The following GRIA2 variants were observed in gnomAD, a reference collection of about 807,000 sequenced individuals.
GRIA2 encodes glutamate receptor 2.
A neutral mutation model predicts 97.3 loss-of-function variants in GRIA2; 14 were observed. The observed-to-expected ratio is 0.14, with a 90% CI of 0.10 to 0.23. The LOEUF (loss-of-function observed/expected upper bound fraction) is 0.23, where lower values mean the gene tolerates loss of function less well. Ranked by LOEUF, GRIA2 falls within the 10% of genes least tolerant of loss-of-function variation. The pLI, the probability that GRIA2 is intolerant of heterozygous loss-of-function variation, is 1.00. For missense variants in GRIA2, 558 were observed against 1,069.8 expected, an observed-to-expected ratio of 0.52 and a Z score of 6.67; for synonymous variants, 412 against 387.8, an observed-to-expected ratio of 1.06 and a Z score of -0.73.
intron 3 of GRIA2, among the ~76,000 whole-genome samples, chr4:157,309,999 T>C (rs959472346): frequency 6.6e-6 from 1 of 152,038 alleles, no homozygotes; most frequent in Admixed American, 6.5e-5. Context: ...TGTAGGAAAG[T>C]AGAACCCAGC....
intron 12 of GRIA2, among the ~76,000 whole-genome samples, chr4:157,345,440 G>C (rs1201971928): frequency 6.6e-6 from 1 of 152,058 alleles, no homozygotes; most frequent in Admixed American, 6.6e-5. Context: ...TAGTGCCACT[G>C]TAGCATACCT....
intron 6 of GRIA2, among the ~76,000 whole-genome samples, chr4:157,329,383 G>A (rs903554709): frequency 2.6e-5 from 4 of 151,794 alleles, no homozygotes; most frequent in Non-Finnish European, 4.4e-5. Context: ...AAATGAGTAC[G>A]TAAAATGTAC....
intron 2 of GRIA2, among the ~76,000 whole-genome samples, chr4:157,257,970 T>G (rs1731352549): frequency 6.6e-6 from 1 of 152,158 alleles, no homozygotes; most frequent in Non-Finnish European, 1.5e-5. Context: ...ATGAAAATTG[T>G]GAAGATTTCA....
At chr4:157,300,391 A>G (rs1733562618) in intron 2 of GRIA2, among the ~76,000 whole-genome samples, 7 of 152,080 alleles carry the variant, frequency 4.6e-5, no homozygotes, top group Admixed American at 4.6e-4. Flanking sequence ...GGTTACCACA[A>G]ACGGGGCAAG....
chr4:157,257,894 C>A (rs902660257), intron 2 of GRIA2, among the ~76,000 whole-genome samples: 1 of 152,058 alleles, frequency 6.6e-6, no homozygotes, highest in African/African-American at 2.4e-5. Flanking sequence ...ATTTCATGGA[C>A]ATTTATTAAT....
chr4:157,287,394 G>A (rs1053836593), intron 2 of GRIA2, among the ~76,000 whole-genome samples: 2 of 151,566 alleles, frequency 1.3e-5, no homozygotes, highest in African/African-American at 4.8e-5. Flanking sequence ...ATTATTTTGT[G>A]TGTGGGAGTG....
chr4:157,279,100 C>T (rs1469084748), intron 2 of GRIA2, among the ~76,000 whole-genome samples: 2 of 151,960 alleles, frequency 1.3e-5, no homozygotes, highest in Non-Finnish European at 2.9e-5. Flanking sequence ...CAATCATGCT[C>T]CTTGGTATTT....
intron 8 of GRIA2, 73 bp downstream of exon 8, chr4:157,333,426 A>G (rs1016396138): frequency 1.5e-6 from 1 of 679,656 alleles, no homozygotes; most frequent in African/African-American, 1.8e-5. Flanking sequence ...TCACCCTTCC[A>G]GAGAATTCTG....
chr4:157,286,710 GA>G (rs1311597859), intron 2 of GRIA2, among the ~76,000 whole-genome samples: 2 of 151,398 alleles, frequency 1.3e-5, no homozygotes, highest in Non-Finnish European at 3.0e-5. Context: ...TGGTATTTTA[GA>G]AGGCATTTTT....
intron 2 of GRIA2, among the ~76,000 whole-genome samples, chr4:157,293,244 T>C (rs760546547): frequency 6.6e-6 from 1 of 152,180 alleles, no homozygotes; most frequent in Non-Finnish European, 1.5e-5. Flanking sequence ...CCAAGATGTA[T>C]GTATTCACAT....
In GRIA2 at chr4:157,363,611, C is replaced by A. The variant is rs560668503; in HGVS notation, c.*180C>A. 34 of 1,223,804 alleles carry A rather than the reference C, an allele frequency of 2.8e-5. No individual in the cohort carries two copies. Among genetic ancestry groups the A allele is most frequent in the South Asian group, 2.1e-4 (5 of 24,188 alleles). The allele number at this position is 1,223,804 out of a possible 1,614,324, so 75.8% of individuals were successfully genotyped here. On this transcript the variant is annotated 3_prime_UTR_variant, in exon 16 of 16. Coordinates refer to ENST00000264426, the MANE Select transcript of GRIA2 (RefSeq NM_001083619.3). The stretch of plus-strand genomic sequence containing the variant: ...CTGATCTCTCGTGATTGATAAGAAC[C>A]TTTTGAGTGCCTTACACAATGGTTT...
At chr4:157,323,158 A>G (rs1260243394) in intron 6 of GRIA2, among the ~76,000 whole-genome samples, 4 of 151,462 alleles carry the variant, frequency 2.6e-5, no homozygotes. Flanking sequence ...ACACGGTGAA[A>G]CCCCGTCTCT....
At position 157,361,176 on chromosome 4, in the gene GRIA2, C is replaced by A; in HGVS notation, c.2406+52C>A. On this transcript the variant is annotated intron_variant, in intron 14 of 15. Coordinates refer to ENST00000264426, the MANE Select transcript of GRIA2 (RefSeq NM_001083619.3). The surrounding 1 kb of genome is among the most constrained non-coding windows in gnomAD (Gnocchi z 5.2). Reference sequence around the variant, plus strand: ...GTAACTCAATGCAAAACAAAGTAAGCAGCAGCTATGCACAGTGTGGGCACT... The same window carrying A: ...GTAACTCAATGCAAAACAAAGTAAGAAGCAGCTATGCACAGTGTGGGCACT... 7.3e-7 allele frequency: 1 copy of A among 1,377,608 alleles called. No homozygotes were observed. Among genetic ancestry groups the A allele is most frequent in the Non-Finnish European group, 1.0e-6 (1 of 966,770 alleles). The allele number at this position is 1,377,608 out of a possible 1,614,324, so 85.3% of individuals were successfully genotyped here. A position where few individuals can be genotyped will look rare whatever the true frequency, so the allele number is the denominator to read the frequency against.
At chr4:157,362,230 T>G (rs145450596) in intron 14 of GRIA2, among the ~76,000 whole-genome samples, 2 of 152,226 alleles carry the variant, frequency 1.3e-5, no homozygotes, top group East Asian at 3.9e-4. Context: ...AGAGTGAGAA[T>G]GTACTGGAAC....
intron 4 of GRIA2, among the ~76,000 whole-genome samples, chr4:157,314,718 A>G (rs973849261): frequency 6.6e-6 from 1 of 152,224 alleles, no homozygotes; most frequent in Non-Finnish European, 1.5e-5. Context: ...AATATATTGT[A>G]AGTGATGTTT....
intron 3 of GRIA2, among the ~76,000 whole-genome samples, chr4:157,306,038 T>C (rs1733827096): frequency 6.6e-6 from 1 of 152,158 alleles, no homozygotes; most frequent in African/African-American, 2.4e-5. Context: ...GTTAAACATA[T>C]GTGTACAGTA....
At chr4:157,272,881 C>T (rs973300654) in intron 2 of GRIA2, among the ~76,000 whole-genome samples, 1 of 151,964 alleles carries the variant, frequency 6.6e-6, no homozygotes, top group East Asian at 1.9e-4. Flanking sequence ...TGGGAACAGG[C>T]TCACTAAAAG....
chr4:157,299,945 A>C (rs1280856216), intron 2 of GRIA2, among the ~76,000 whole-genome samples: 1 of 152,206 alleles, frequency 6.6e-6, no homozygotes, highest in African/African-American at 2.4e-5. Context: ...TGTGAAGGTC[A>C]TGAAGCTGGA....
intron 3 of GRIA2, among the ~76,000 whole-genome samples, chr4:157,304,621 C>T (rs1733758739): frequency 6.6e-6 from 1 of 152,030 alleles, no homozygotes; most frequent in South Asian, 2.1e-4. Context: ...GAGAGAGTAT[C>T]CGTAAATCAA....
Sources: gnomAD v4.1 joint callset for allele counts (sites outside exome capture counted in the v4.1 genomes callset) on GRCh38, gnomAD v4.1.1 for gene constraint, Gnocchi (gnomAD v3.1) non-coding constraint, MANE v1.5 for transcripts, NCBI Gene and HGNC (gene_info 2026-07-23, HGNC 2026-07-21) for gene names.